Variants in RBFOX1 observed in about 807,000 individuals in gnomAD.
RBFOX1 encodes RNA binding fox-1 homolog 1.
In RBFOX1, 8 loss-of-function variants were observed where a neutral mutation model predicts 57.7. That is an observed-to-expected ratio of 0.14 (90% CI 0.08 to 0.25). The LOEUF is 0.25. RBFOX1 is among the 10% of genes least tolerant of loss of function. The pLI is 1.00. For missense variants in RBFOX1, 611 were observed against 548.5 expected, an observed-to-expected ratio of 1.11 and a Z score of -1.14; for synonymous variants, 326 against 222.4, an observed-to-expected ratio of 1.47 and a Z score of -4.15.
At chr16:6,811,849 A>G (rs973132644) in intron 3 of RBFOX1, among the ~76,000 whole-genome samples, 14 of 152,324 alleles carry the variant, frequency 9.2e-5, no homozygotes, top group Non-Finnish European at 1.5e-4. Context: ...AGATTGTGCC[A>G]TTGCACTCGA....
At chr16:5,434,524 G>A (rs950767567) in intron 1 of RBFOX1, among the ~76,000 whole-genome samples, 2 of 151,698 alleles carry the variant, frequency 1.3e-5, no homozygotes, top group African/African-American at 2.4e-5. Flanking sequence ...GTTTCTCCAT[G>A]TTAAGCTGGT....
chr16:6,018,781 G>A (rs1005437239), upstream of RBFOX1, among the ~76,000 whole-genome samples: 2 of 152,156 alleles, frequency 1.3e-5, no homozygotes, highest in Non-Finnish European at 2.9e-5. Context: ...TGGGAGGAGG[G>A]CGCTGGTGCT....
chr16:5,652,590 T>G (rs752900268), intron 3 of RBFOX1, among the ~76,000 whole-genome samples: 143 of 152,174 alleles, frequency 9.4e-4, no homozygotes, highest in Non-Finnish European at 1.3e-3. Flanking sequence ...ACTCCAGAAG[T>G]CTTTGCACGT....
At chr16:6,640,941 T>A (rs182750939) in intron 2 of RBFOX1, among the ~76,000 whole-genome samples, 2 of 152,230 alleles carry the variant, frequency 1.3e-5, no homozygotes, top group East Asian at 3.9e-4. Context: ...AAATAATGAC[T>A]GTGGCAGCCA....
chr16:6,879,223 A>G lies in RBFOX1; in HGVS notation c.-15-172834A>G, dbSNP rs1235871746. Among the ~76,000 whole-genome samples, 8 of 152,214 alleles carry G rather than the reference A, an allele frequency of 5.3e-5. No individual in the cohort carries two copies. The East Asian group carries it at 1.5e-3, about 29-fold the overall frequency. On this transcript the variant is annotated intron_variant, in intron 3 of 15. Coordinates refer to ENST00000550418, the MANE Select transcript of RBFOX1 (RefSeq NM_018723.4). ...AATATGATATTTTTATGATTATTCA[A>G]TGAATTGATTTTTATGGAATTGGCT...
chr16:6,746,385 G>C (rs2073647675), intron 3 of RBFOX1, among the ~76,000 whole-genome samples: 1 of 152,148 alleles, frequency 6.6e-6, no homozygotes, highest in Admixed American at 6.6e-5. Context: ...CAATAATCAA[G>C]AAAGTGGTGC....
intron 3 of RBFOX1, among the ~76,000 whole-genome samples, chr16:5,653,520 G>A (rs964968600): frequency 2.0e-5 from 3 of 150,386 alleles, no homozygotes; most frequent in Admixed American, 6.6e-5. Flanking sequence ...GTGCGGAGCC[G>A]TGTGCTGCGC....
At chr16:7,284,643 A>T (rs1231724182) in intron 4 of RBFOX1, among the ~76,000 whole-genome samples, 2 of 152,236 alleles carry the variant, frequency 1.3e-5, no homozygotes, top group Non-Finnish European at 2.9e-5. Flanking sequence ...TTTTAACTTC[A>T]TAAAGATGTT....
At chr16:5,716,277 G>A (rs1336614791) in intron 3 of RBFOX1, among the ~76,000 whole-genome samples, 1 of 152,154 alleles carries the variant, frequency 6.6e-6, no homozygotes, top group African/African-American at 2.4e-5. Context: ...AAGCTAATAA[G>A]TTCAGGGGTG....
At chr16:7,369,853 C>G in intron 4 of RBFOX1, among the ~76,000 whole-genome samples, 1 of 152,224 alleles carries the variant, frequency 6.6e-6, no homozygotes, top group East Asian at 1.9e-4. Context: ...TTCATTATCT[C>G]ACTTTCTTGC....
At chr16:5,423,340 G>A (rs1019891554) in intron 1 of RBFOX1, among the ~76,000 whole-genome samples, 2 of 152,184 alleles carry the variant, frequency 1.3e-5, no homozygotes, top group African/African-American at 4.8e-5. Flanking sequence ...GCACATATTT[G>A]TGTGTGTGGT....
intron 3 of RBFOX1, among the ~76,000 whole-genome samples, chr16:6,971,369 C>T (rs1045520906): frequency 1.3e-5 from 2 of 151,758 alleles, no homozygotes; most frequent in Non-Finnish European, 2.9e-5. Context: ...GATGACTCAG[C>T]CTAAAGTGGG....
At chr16:5,511,486 A>T (rs531214299) in intron 2 of RBFOX1, among the ~76,000 whole-genome samples, 1 of 152,288 alleles carries the variant, frequency 6.6e-6, no homozygotes, top group African/African-American at 2.4e-5. Context: ...TCAACACCAA[A>T]CATGGTGAAG....
intron 3 of RBFOX1, among the ~76,000 whole-genome samples, chr16:6,966,217 C>T (rs530692513): frequency 6.6e-6 from 1 of 152,086 alleles, no homozygotes; most frequent in Non-Finnish European, 1.5e-5. Flanking sequence ...CTCTCTGTCC[C>T]AGCTTCTCAC....
chr16:6,437,729 C>G (rs922922956), intron 2 of RBFOX1, among the ~76,000 whole-genome samples: 5 of 152,150 alleles, frequency 3.3e-5, no homozygotes, highest in African/African-American at 1.2e-4. Flanking sequence ...GGGAAGCAAG[C>G]ACATCTTCAC....
At chr16:7,502,835 C>CA (rs2071427209) in intron 4 of RBFOX1, among the ~76,000 whole-genome samples, 1 of 151,926 alleles carries the variant, frequency 6.6e-6, no homozygotes. Context: ...CCAGCCTGGC[C>CA]AACATGGTGA....
chr16:5,712,141 T>A (rs1187710250), intron 3 of RBFOX1, among the ~76,000 whole-genome samples: 1 of 152,150 alleles, frequency 6.6e-6, no homozygotes, highest in East Asian at 1.9e-4. Flanking sequence ...TCACTCTCTA[T>A]CATGAGAGCA....
chr16:6,906,474 A>G (rs1234732969), intron 3 of RBFOX1, among the ~76,000 whole-genome samples: 1 of 152,196 alleles, frequency 6.6e-6, no homozygotes, highest in Admixed American at 6.5e-5. Context: ...AATAATTTGA[A>G]ATAAGAGTGT....
chr16:6,302,801 T>G (rs1163483241), intron 1 of RBFOX1, among the ~76,000 whole-genome samples: 1 of 152,252 alleles, frequency 6.6e-6, no homozygotes, highest in African/African-American at 2.4e-5. Flanking sequence ...GACATGAGAC[T>G]AAACTTATGC....
Sources: gnomAD v4.1 joint callset for allele counts (sites outside exome capture counted in the v4.1 genomes callset) on GRCh38, gnomAD v4.1.1 for gene constraint, MANE v1.5 for transcripts, NCBI Gene and HGNC (gene_info 2026-07-23, HGNC 2026-07-21) for gene names.